MGMT: variants seen among roughly 807,000 people sequenced by gnomAD.
MGMT encodes O-6-methylguanine-DNA methyltransferase.
In MGMT, 14 loss-of-function variants were observed where a neutral mutation model predicts 15.9. The ratio of observed to expected loss-of-function variants is 0.88; its 90% CI spans 0.58 to 1.37. The LOEUF is 1.37. MGMT is among the 40% of genes most tolerant of loss of function. The pLI is 0.00. For missense variants in MGMT, 282 were observed against 268.1 expected (o/e 1.05, Z -0.36); for synonymous variants, 130 against 118.2 (o/e 1.10, Z -0.65).
intron 1 of MGMT, among the ~76,000 whole-genome samples, chr10:129,511,281 G>A (rs946673449): frequency 6.6e-6 from 1 of 151,104 alleles, no homozygotes; most frequent in Admixed American, 6.6e-5. Flanking sequence ...CCTGTGATGG[G>A]AACCTGGTAT....
chr10:129,475,118 G>C (rs1350551134), intron 1 of MGMT, among the ~76,000 whole-genome samples: 4 of 152,122 alleles, frequency 2.6e-5, no homozygotes, highest in Non-Finnish European at 5.9e-5. Flanking sequence ...CTGGGGAGGA[G>C]GCTTCCAGGG....
intron 3 of MGMT, among the ~76,000 whole-genome samples, chr10:129,733,217 CTGT>C (rs1848522002): frequency 7.0e-6 from 1 of 141,948 alleles, no homozygotes; most frequent in African/African-American, 2.6e-5. Flanking sequence ...TCTCCAGCAC[CTGT>C]TGTTTCCTGA....
intron 3 of MGMT, among the ~76,000 whole-genome samples, chr10:129,718,909 G>T (rs750692093): frequency 4.6e-5 from 7 of 151,856 alleles, no homozygotes; most frequent in Non-Finnish European, 8.8e-5. Flanking sequence ...GATGTCTAGA[G>T]CTAGTTCGTT....
In MGMT at chr10:129,647,052, G is replaced by C. The variant is rs188149784; in HGVS notation, c.126-60843G>C. Among the ~76,000 whole-genome samples the C allele has an allele frequency of 3.6e-3, 552 of 152,152 alleles. 3 individuals are homozygous for C. The highest frequency in any genetic ancestry group is 0.013 in the African/African-American group (523 of 41,518). ...AGCCGCTCAGTCCAGGTGTGTGTCA[G>C]TTTGCACGCCTCCCTCTGGAAGTCC... is the stretch of plus-strand genomic sequence containing the variant. On this transcript the variant is annotated intron_variant, in intron 2 of 4. Coordinates refer to ENST00000651593, the MANE Select transcript of MGMT (RefSeq NM_002412.5).
rs1426587033 is a variant in MGMT, at chr10:129,695,036, G to A, written c.126-12859G>A. Among the ~76,000 whole-genome samples the A allele has an allele frequency of 2.0e-5, 3 of 152,298 alleles. No individual in the cohort carries two copies. The East Asian group carries it at 5.8e-4, about 29-fold the overall frequency. On this transcript the variant is annotated intron_variant, in intron 2 of 4. Transcript: ENST00000651593. ...TATTACTCTATATCCTTGCCAGAAAGCGTGTTTTAAGAGTTTCAATTCAAA... is the reference window on the plus strand; with the variant it reads ...TATTACTCTATATCCTTGCCAGAAAACGTGTTTTAAGAGTTTCAATTCAAA...
At chr10:129,665,911 G>A (rs890535946) in intron 2 of MGMT, among the ~76,000 whole-genome samples, 3 of 152,190 alleles carry the variant, frequency 2.0e-5, no homozygotes, top group Non-Finnish European at 4.4e-5. Flanking sequence ...TGATGAAATT[G>A]GCTATGGATT....
chr10:129,758,154 T>C (rs1467869143), intron 3 of MGMT, among the ~76,000 whole-genome samples: 1 of 152,232 alleles, frequency 6.6e-6, no homozygotes, highest in Non-Finnish European at 1.5e-5. Context: ...TATCGTTCCC[T>C]TCAGTTAAGA....
At position 129,536,564 on chromosome 10, in the gene MGMT, G is replaced by A. The variant is rs1417435145; in HGVS notation, c.125+187G>A. 9.2e-6 allele frequency: 6 copies of A among 654,368 alleles called. No homozygotes were observed. The South Asian group carries it at 1.2e-4, about 13-fold the overall frequency. The allele number at this position is 654,368 out of a possible 1,614,324, so 40.5% of individuals were successfully genotyped here. Reference sequence around the variant, plus strand: ...TCCTGCATTTGCAGCTTCCCTGTGTGTTGCCCAGGAGCTCTCCACCTCCGA... The same window carrying A: ...TCCTGCATTTGCAGCTTCCCTGTGTATTGCCCAGGAGCTCTCCACCTCCGA... On this transcript the variant is annotated intron_variant, in intron 2 of 4. Coordinates refer to ENST00000651593, the MANE Select transcript of MGMT (RefSeq NM_002412.5).
At chr10:129,477,512 A>G (rs1261784340) in intron 1 of MGMT, among the ~76,000 whole-genome samples, 2 of 152,204 alleles carry the variant, frequency 1.3e-5, no homozygotes, top group Non-Finnish European at 2.9e-5. Flanking sequence ...CTGAGTCATA[A>G]GAGTGGGATC....
At chr10:129,719,842 A>T (rs1488161298) in intron 3 of MGMT, among the ~76,000 whole-genome samples, 3 of 152,220 alleles carry the variant, frequency 2.0e-5, no homozygotes, top group African/African-American at 7.2e-5. Context: ...GGACAGTAGT[A>T]ACAATGTGTA....
At chr10:129,590,963 A>T (rs1846677061) in intron 2 of MGMT, among the ~76,000 whole-genome samples, 1 of 152,216 alleles carries the variant, frequency 6.6e-6, no homozygotes, top group African/African-American at 2.4e-5. Context: ...TTGGCCATTT[A>T]GTCAAAAAGT....
intron 2 of MGMT, among the ~76,000 whole-genome samples, chr10:129,647,025 C>T (rs937352861): frequency 6.6e-6 from 1 of 151,958 alleles, no homozygotes. Flanking sequence ...CATTTTCCTC[C>T]CAGCCGCTCA....
At chr10:129,766,519 A>C (rs1848936744) in intron 4 of MGMT, among the ~76,000 whole-genome samples, 1 of 152,226 alleles carries the variant, frequency 6.6e-6, no homozygotes, top group Admixed American at 6.5e-5. Flanking sequence ...TCGTGGGCCT[A>C]AAGCAATTCT....
At chr10:129,723,349 G>A (rs996357178) in intron 3 of MGMT, among the ~76,000 whole-genome samples, 8 of 151,998 alleles carry the variant, frequency 5.3e-5, no homozygotes, top group Non-Finnish European at 8.8e-5. Context: ...CTTAGCTCCC[G>A]TGGATAACCA....
In MGMT at chr10:129,508,794, G is replaced by A. The variant is rs141941246; in HGVS notation, c.-12-27447G>A. 8.6e-3 allele frequency among the ~76,000 whole-genome samples: 1,309 copies of A among 152,044 alleles called. 12 individuals are homozygous for A. The highest frequency in any genetic ancestry group is 0.041 in the Middle Eastern group (12 of 294). On this transcript the variant is annotated intron_variant, in intron 1 of 4. Coordinates refer to ENST00000651593, the MANE Select transcript of MGMT (RefSeq NM_002412.5). ...GCTCCTGATCGCAGGTGATCCACCC[G>A]TCTCGGCCTCCCAAAGTGCTGGGAT...
intron 2 of MGMT, among the ~76,000 whole-genome samples, chr10:129,706,039 T>C (rs1480834016): frequency 6.6e-6 from 1 of 152,220 alleles, no homozygotes; most frequent in African/African-American, 2.4e-5. Context: ...GCTGCAGCCC[T>C]GCGTCAGGGC....
chr10:129,494,743 T>C (rs1845503782), intron 1 of MGMT, among the ~76,000 whole-genome samples: 1 of 152,232 alleles, frequency 6.6e-6, no homozygotes, highest in Non-Finnish European at 1.5e-5. Flanking sequence ...TCTAGACGGA[T>C]ATGATGCTTG....
chr10:129,713,487 G>T (rs1848256306), intron 3 of MGMT, among the ~76,000 whole-genome samples: 1 of 152,164 alleles, frequency 6.6e-6, no homozygotes, highest in Non-Finnish European at 1.5e-5. Context: ...GAGAGTGGAT[G>T]GCAGGCCCGC....
intron 2 of MGMT, among the ~76,000 whole-genome samples, chr10:129,662,283 G>C (rs1442150930): frequency 1.3e-5 from 2 of 152,114 alleles, no homozygotes; most frequent in Admixed American, 6.5e-5. Context: ...AGACCAGGAA[G>C]TGGAAGATTA....
Sources: allele counts gnomAD v4.1 joint callset (sites outside exome capture counted in the v4.1 genomes callset), GRCh38; gene constraint gnomAD v4.1.1; transcripts MANE v1.5; gene names NCBI Gene and HGNC (gene_info 2026-07-23, HGNC 2026-07-21).